Variants in SAMD3 observed in about 807,000 individuals in gnomAD.
The protein encoded by SAMD3 is sterile alpha motif domain-containing protein 3.
A neutral mutation model predicts 58.5 loss-of-function variants in SAMD3; 63 were observed. That is an observed-to-expected ratio of 1.08 (90% CI 0.88 to 1.33). The LOEUF is 1.33. Among genes scored for constraint, SAMD3 ranks in the 40% most tolerant of loss-of-function variants. SAMD3 has a pLI of 0.00. For missense variants in SAMD3, 604 were observed against 608.4 expected, an observed-to-expected ratio of 0.99 and a Z score of 0.08; for synonymous variants, 220 against 210.3, an observed-to-expected ratio of 1.05 and a Z score of -0.40.
chr6:130,289,589 T>C (rs541047380), intron 2 of SAMD3, among the ~76,000 whole-genome samples: 1 of 152,264 alleles, frequency 6.6e-6, no homozygotes, highest in East Asian at 1.9e-4. Flanking sequence ...AACCTCCACC[T>C]CCCAGGTTCA....
chr6:130,170,931 A>G (rs186812407), intron 8 of SAMD3, among the ~76,000 whole-genome samples: 1 of 152,112 alleles, frequency 6.6e-6, no homozygotes, highest in Non-Finnish European at 1.5e-5. Context: ...AATACTCTTT[A>G]TTTCTTTCTC....
intron 9 of SAMD3, among the ~76,000 whole-genome samples, chr6:130,147,146 G>A (rs1021579551): frequency 6.6e-6 from 1 of 152,064 alleles, no homozygotes; most frequent in Non-Finnish European, 1.5e-5. Flanking sequence ...TTTTGACAGT[G>A]GCATTATCAG....
chr6:130,318,190 A>G (rs1289268926), intron 1 of SAMD3, among the ~76,000 whole-genome samples: 2 of 152,172 alleles, frequency 1.3e-5, no homozygotes, highest in African/African-American at 4.8e-5. Flanking sequence ...TTCAGTGGGC[A>G]TTTGAGTAGA....
intron 9 of SAMD3, among the ~76,000 whole-genome samples, chr6:130,151,389 A>G (rs1041311448): frequency 1.3e-5 from 2 of 152,020 alleles, no homozygotes; most frequent in Non-Finnish European, 2.9e-5. Flanking sequence ...GACCAGTACC[A>G]GTTACTCCAT....
At chr6:130,335,317 C>T (rs1013060500) in intron 1 of SAMD3, among the ~76,000 whole-genome samples, 1 of 152,174 alleles carries the variant, frequency 6.6e-6, no homozygotes, top group African/African-American at 2.4e-5. Flanking sequence ...TATGACTTGT[C>T]GCCTGACAAA....
chr6:130,347,307 G>A (rs543201570), intron 1 of SAMD3, among the ~76,000 whole-genome samples: 1 of 152,240 alleles, frequency 6.6e-6, no homozygotes, highest in East Asian at 1.9e-4. Flanking sequence ...CAAACCCATG[G>A]CAAAGAAGGT....
chr6:130,330,871 A>G (rs2115012348), intron 1 of SAMD3, among the ~76,000 whole-genome samples: 1 of 152,318 alleles, frequency 6.6e-6, no homozygotes, highest in Non-Finnish European at 1.5e-5. Context: ...TACCATAAAC[A>G]TTCCTCTGTG....
rs540403069 is a variant in SAMD3, at chr6:130,219,915, C to G, written c.-68+2779G>C. On this transcript the variant is annotated intron_variant, in intron 1 of 11. Transcript: ENST00000439090. ...ATCTAGCAAGACTTATCAGAGTTGT[C>G]TGTAATTCACAACACCTCCAATAAA... Among the ~76,000 whole-genome samples, 4 of 152,330 alleles carry G rather than the reference C, an allele frequency of 2.6e-5. No homozygotes were observed. In the South Asian group the frequency reaches 8.3e-4, roughly 32 times the overall value.
At chr6:130,343,422 A>G (rs1777332614) in intron 1 of SAMD3, among the ~76,000 whole-genome samples, 1 of 152,202 alleles carries the variant, frequency 6.6e-6, no homozygotes, top group Non-Finnish European at 1.5e-5. Flanking sequence ...ATATCTCTGC[A>G]GTATTGTAAG....
At chr6:130,329,979 C>A (rs533396148) in intron 1 of SAMD3, among the ~76,000 whole-genome samples, 2 of 152,066 alleles carry the variant, frequency 1.3e-5, no homozygotes, top group African/African-American at 2.4e-5. Flanking sequence ...GGGCTTAAAA[C>A]CTAGATGACA....
chr6:130,281,813 T>C (rs1434531179), intron 2 of SAMD3, among the ~76,000 whole-genome samples: 1 of 152,068 alleles, frequency 6.6e-6, no homozygotes, highest in East Asian at 1.9e-4. Context: ...CTTAGGAGGC[T>C]GAGGCGGGAG....
chr6:130,284,646 C>T (rs1385066396), intron 2 of SAMD3, among the ~76,000 whole-genome samples: 2 of 152,084 alleles, frequency 1.3e-5, no homozygotes, highest in African/African-American at 4.8e-5. Context: ...ACATAAATAT[C>T]ATGGCATAAA....
chr6:130,311,328 T>C (rs575889485), intron 2 of SAMD3, among the ~76,000 whole-genome samples: 2 of 152,282 alleles, frequency 1.3e-5, no homozygotes, highest in Non-Finnish European at 1.5e-5. Flanking sequence ...GACGAGGACA[T>C]AGGGGCTTGG....
At chr6:130,288,116 T>C in intron 2 of SAMD3, among the ~76,000 whole-genome samples, 1 of 152,134 alleles carries the variant, frequency 6.6e-6, no homozygotes, top group Non-Finnish European at 1.5e-5. Flanking sequence ...AGAAAGTAGA[T>C]GAGGATGTGT....
intron 2 of SAMD3, among the ~76,000 whole-genome samples, chr6:130,288,205 TG>T (rs1562500731): frequency 6.6e-6 from 1 of 152,128 alleles, no homozygotes; most frequent in African/African-American, 2.4e-5. Context: ...AAAAAGAGAT[TG>T]ATTTTAAGGA....
At chr6:130,306,771 A>C (rs181506345) in intron 2 of SAMD3, among the ~76,000 whole-genome samples, 1 of 152,346 alleles carries the variant, frequency 6.6e-6, no homozygotes, top group African/African-American at 2.4e-5. Flanking sequence ...AACCTTATAG[A>C]ATGAGACAGA....
chr6:130,180,764 G>A (rs1437607190), intron 7 of SAMD3, among the ~76,000 whole-genome samples: 1 of 152,072 alleles, frequency 6.6e-6, no homozygotes, highest in East Asian at 1.9e-4. Context: ...GTGGGTGCCA[G>A]GGATGCTACT....
At chr6:130,157,796 A>T (rs78079351) in intron 8 of SAMD3, among the ~76,000 whole-genome samples, 2,329 of 152,324 alleles carry the variant, frequency 0.015, 53 homozygotes, top group African/African-American at 0.05. Flanking sequence ...AATTGTCAAT[A>T]TTCATAGATG....
chr6:130,311,957 C>T (rs1776187325), intron 2 of SAMD3, among the ~76,000 whole-genome samples: 1 of 152,018 alleles, frequency 6.6e-6, no homozygotes, highest in Admixed American at 6.6e-5. Context: ...TGAAACCAGC[C>T]CAGAAAGCAT....
Sources: allele counts gnomAD v4.1 joint callset (sites outside exome capture counted in the v4.1 genomes callset), GRCh38; gene constraint gnomAD v4.1.1; transcripts MANE v1.5; gene names NCBI Gene and HGNC (gene_info 2026-07-23, HGNC 2026-07-21).